EDEM3: variants seen among roughly 807,000 people sequenced by gnomAD.
EDEM3 encodes the protein ER degradation-enhancing alpha-mannosidase-like protein 3.
A neutral mutation model predicts 110.2 loss-of-function variants in EDEM3; 60 were observed. The ratio of observed to expected loss-of-function variants is 0.54; its 90% CI spans 0.44 to 0.67. The LOEUF is 0.67. Ranked by LOEUF, EDEM3 falls within the 30% of genes least tolerant of loss-of-function variation. The probability of loss-of-function intolerance (pLI) is 0.00; values close to 1 mark genes in which losing one functional copy is unlikely to be tolerated. For synonymous variants in EDEM3, 352 were observed against 382.9 expected, an observed-to-expected ratio of 0.92 and a Z score of 0.94; for missense variants, 996 against 1,121.0, an observed-to-expected ratio of 0.89 and a Z score of 1.59.
At chr1:184,708,029 G>C (rs979482675) in intron 17 of EDEM3, 124 bp downstream of exon 17, 2 of 867,086 alleles carry the variant, frequency 2.3e-6, no homozygotes, top group Non-Finnish European at 3.3e-6. Context: ...CTTAAATCCA[G>C]GAGATTGACT....
intron 13 of EDEM3, among the ~76,000 whole-genome samples, chr1:184,715,068 A>G (rs1571370907): frequency 6.6e-6 from 1 of 152,232 alleles, no homozygotes; most frequent in Non-Finnish European, 1.5e-5. Context: ...TCAACTGGAT[A>G]GAGGGTGGAA....
intron 2 of EDEM3, among the ~76,000 whole-genome samples, chr1:184,748,808 T>C (rs946572524): frequency 6.6e-6 from 1 of 152,228 alleles, no homozygotes; most frequent in East Asian, 1.9e-4. Flanking sequence ...TCTGCCAAAC[T>C]TTCCCAACTA....
Position 184,717,864 on chromosome 1 carries a change from A to C in EDEM3, c.1162-241T>G, listed in dbSNP as rs1650640262. On this transcript the variant is annotated intron_variant, in intron 11 of 19. Transcript: ENST00000318130. Reference sequence around the variant, plus strand: ...TTCTGGCTATTAGAAAACTCAGAAAAACTCCATAATGAAACTCAGCAATGC... The same window carrying C: ...TTCTGGCTATTAGAAAACTCAGAAACACTCCATAATGAAACTCAGCAATGC... Among the ~76,000 whole-genome samples the C allele has an allele frequency of 5.9e-5, 9 of 151,948 alleles. No homozygotes were observed. The South Asian group carries it at 1.9e-3, about 31-fold the overall frequency.
At chr1:184,753,831 G>A (rs553799346) in intron 1 of EDEM3, among the ~76,000 whole-genome samples, 95 of 152,094 alleles carry the variant, frequency 6.2e-4, no homozygotes, top group Middle Eastern at 6.8e-3. Context: ...TCATGTGTAG[G>A]ACCTCGTGTA....
chr1:184,703,424 T>C (rs1265448786), intron 18 of EDEM3, among the ~76,000 whole-genome samples: 3 of 152,236 alleles, frequency 2.0e-5, no homozygotes, highest in Non-Finnish European at 4.4e-5. Context: ...ATGAATTTTA[T>C]TGTTGAAAAT....
chr1:184,744,249 AATATATATATATATAT>A lies in EDEM3; in HGVS notation c.204+5282_204+5297del, dbSNP rs55959890. On this transcript the variant is annotated intron_variant, in intron 2 of 19. Coordinates refer to ENST00000318130, the MANE Select transcript of EDEM3 (RefSeq NM_025191.4). ...CTCAGTAATAACAGAACAAATGACA[AATATATATATATATAT>A]ATATATATATATATATATATATATA... is the stretch of plus-strand genomic sequence containing the variant. Among the ~76,000 whole-genome samples the A allele has an allele frequency of 3.6e-3, 316 of 87,620 alleles. 7 individuals are homozygous for A. Among genetic ancestry groups the A allele is most frequent in the African/African-American group, 9.6e-3 (233 of 24,222 alleles). The allele number at this position is 87,620 out of a possible 152,430, so 57.5% of individuals were successfully genotyped here.
At chr1:184,719,286 G>T in intron 10 of EDEM3, 41 bp from the exon 11 acceptor site, 1 of 1,501,016 alleles carries the variant, frequency 6.7e-7, no homozygotes. Flanking sequence ...TAAAATATGA[G>T]CTGATTTTAT....
intron 18 of EDEM3, among the ~76,000 whole-genome samples, chr1:184,703,977 G>A (rs532273353): frequency 1.3e-5 from 2 of 152,256 alleles, no homozygotes; most frequent in African/African-American, 4.8e-5. Flanking sequence ...AAGCAGAATT[G>A]CAAAGAGAAG....
chr1:184,753,204 T>A (rs964783434), intron 1 of EDEM3, among the ~76,000 whole-genome samples: 1 of 151,978 alleles, frequency 6.6e-6, no homozygotes, highest in African/African-American at 2.4e-5. Flanking sequence ...AGCTCAGATT[T>A]TTTTTTTCTT....
rs114229293 is a variant in EDEM3, at chr1:184,711,839, A to G, written c.1575T>C (p.Asp525=). The G allele has an allele frequency of 1.3e-3, 2,167 of 1,613,250 alleles. 26 individuals are homozygous for G. The African/African-American group carries it at 0.025, about 18-fold the overall frequency. Residue 525 remains aspartate, a synonymous_variant, in exon 15 of 20, where the codon GAT becomes GAC. Coordinates refer to ENST00000318130, the MANE Select transcript of EDEM3 (RefSeq NM_025191.4). ...GGATCTGAGTATTTGGACAAGTCCA[A>G]TCGAAGTTACTGTCATCCAGTTCTG... ...EYTELDDSNF[D]WTCPNTQILF...
Position 184,703,081 on chromosome 1 carries a change from T to C in EDEM3, c.2204-85A>G, listed in dbSNP as rs145004370. 6 of 1,131,346 alleles carry C rather than the reference T, an allele frequency of 5.3e-6. No individual in the cohort carries two copies. The East Asian group carries it at 1.8e-4, about 33-fold the overall frequency. 70.1% of individuals were successfully genotyped at this position (1,131,346 alleles called of 1,614,324 possible). On this transcript the variant is annotated intron_variant, in intron 18 of 19. Coordinates refer to ENST00000318130, the MANE Select transcript of EDEM3 (RefSeq NM_025191.4). Reference sequence around the variant, plus strand: ...ACTAATTGTTACTGATTTTTTACAATGACAGAATTAATTTTATGCATCAAG... The same window carrying C: ...ACTAATTGTTACTGATTTTTTACAACGACAGAATTAATTTTATGCATCAAG...
At chr1:184,696,775 T>C (rs532269433) in intron 19 of EDEM3, among the ~76,000 whole-genome samples, 2 of 151,952 alleles carry the variant, frequency 1.3e-5, no homozygotes, top group Middle Eastern at 3.4e-3. Context: ...AAAAGAAAAA[T>C]CTCCAAGTTT....
intron 2 of EDEM3, among the ~76,000 whole-genome samples, chr1:184,747,946 T>A (rs986486645): frequency 6.6e-6 from 1 of 152,220 alleles, no homozygotes; most frequent in South Asian, 2.1e-4. Flanking sequence ...TATCCAGCTA[T>A]ATGCTATTTT....
chr1:184,739,234 T>A, intron 2 of EDEM3, among the ~76,000 whole-genome samples: 1 of 149,504 alleles, frequency 6.7e-6, no homozygotes, highest in East Asian at 1.9e-4. Flanking sequence ...TCATTAAAAT[T>A]ATTTTAATTT....
chr1:184,734,237 G>C (rs1429140292), intron 5 of EDEM3, among the ~76,000 whole-genome samples: 10 of 152,194 alleles, frequency 6.6e-5, no homozygotes, highest in Non-Finnish European at 1.5e-4. Context: ...GGGAGGCCGA[G>C]GCAGGCAGAT....
Position 184,714,416 on chromosome 1 carries a change from A to G in EDEM3, c.1371-1818T>C, listed in dbSNP as rs147103157. ...CAAATATTTTCCTATTATTTTTGCC[A>G]TTTACATTCTTTTCAGTAATTATGA... is the stretch of plus-strand genomic sequence containing the variant. On this transcript the variant is annotated intron_variant, in intron 13 of 19. Coordinates refer to ENST00000318130, the MANE Select transcript of EDEM3 (RefSeq NM_025191.4). Among the ~76,000 whole-genome samples, 424 of 152,312 alleles carry G rather than the reference A, an allele frequency of 2.8e-3. 5 individuals are homozygous for G. The East Asian group carries it at 0.035, about 13-fold the overall frequency.
At position 184,754,700 on chromosome 1, in the gene EDEM3, T is replaced by G. The variant is rs376878107; in HGVS notation, c.-54A>C. On this transcript the variant is annotated 5_prime_UTR_variant, in exon 1 of 20. Transcript: ENST00000318130. ...GCTACGCCCGGCCGGTGAGACACAT[T>G]GCTGGACGCTGGTGGCCAGGGGGCT... 6.8e-7 allele frequency: 1 copy of G among 1,473,298 alleles called. No homozygotes were observed. The allele number at this position is 1,473,298 out of a possible 1,614,324, so 91.3% of individuals were successfully genotyped here.
chr1:184,697,355 G>A (rs548282204), intron 19 of EDEM3, among the ~76,000 whole-genome samples: 11 of 151,656 alleles, frequency 7.3e-5, no homozygotes, highest in South Asian at 2.1e-4. Flanking sequence ...TCTTGTTTTC[G>A]TTTTAGAACC....
chr1:184,703,081 T>A, intron 18 of EDEM3, 85 bp from the exon 19 acceptor site: 1 of 1,131,346 alleles, frequency 8.8e-7, no homozygotes, highest in South Asian at 2.2e-5. Flanking sequence ...TTTTTTACAA[T>A]GACAGAATTA....
Sources: allele counts gnomAD v4.1 joint callset (sites outside exome capture counted in the v4.1 genomes callset), GRCh38; gene constraint gnomAD v4.1.1; transcripts MANE v1.5; gene names NCBI Gene and HGNC (gene_info 2026-07-23, HGNC 2026-07-21).